Variants in PCDHA10 observed in about 807,000 individuals in gnomAD.
PCDHA10 encodes protocadherin alpha 10.
PCDHA10 carries 45 observed loss-of-function variants against 61.2 expected under a neutral mutation model. That is an observed-to-expected ratio of 0.74 (90% CI 0.58 to 0.94). The LOEUF is 0.94. Ranked by LOEUF, PCDHA10 falls within the 40% of genes least tolerant of loss-of-function variation. The pLI is 0.00. For missense variants in PCDHA10, 1,278 were observed against 1,236.2 expected (o/e 1.03, Z -0.51); for synonymous variants, 602 against 548.8 (o/e 1.10, Z -1.35).
intron 1 of PCDHA10, among the ~76,000 whole-genome samples, chr5:140,910,502 G>C (rs182167004): frequency 2.6e-4 from 39 of 152,266 alleles, no homozygotes. Flanking sequence ...CAATCACAAA[G>C]CTCTTCAAGG....
intron 1 of PCDHA10, among the ~76,000 whole-genome samples, chr5:140,886,245 A>G (rs1241977297): frequency 6.6e-6 from 1 of 152,046 alleles, no homozygotes; most frequent in Non-Finnish European, 1.5e-5. Context: ...GAAATAAATA[A>G]AAGTATCTCT....
intron 1 of PCDHA10, among the ~76,000 whole-genome samples, chr5:140,944,191 G>A (rs181232402): frequency 6.6e-6 from 1 of 151,980 alleles, no homozygotes. Flanking sequence ...GGTTTGTTTT[G>A]TTTTGTTTTG....
intron 3 of PCDHA10, among the ~76,000 whole-genome samples, chr5:140,983,853 A>T (rs1447321377): frequency 6.6e-6 from 1 of 152,230 alleles, no homozygotes; most frequent in African/African-American, 2.4e-5. Context: ...ATTAAGTAAC[A>T]TGCAGCTAAG....
At chr5:140,870,417 C>T (rs2051990915) in intron 1 of PCDHA10, 1 of 1,614,092 alleles carries the variant, frequency 6.2e-7, no homozygotes, top group Admixed American at 1.7e-5. Flanking sequence ...GGGCCACGGC[C>T]AGGGTATCCG....
At position 141,010,124 on chromosome 5, in the gene PCDHA10, G is replaced by C. The variant is rs1161168842; in HGVS notation, c.*187G>C. 1.2e-6 allele frequency: 2 copies of C among 1,605,172 alleles called. No homozygotes were observed. The highest frequency in any genetic ancestry group is 1.1e-5 in the South Asian group (1 of 90,170). On this transcript the variant is annotated 3_prime_UTR_variant, in exon 4 of 4. Coordinates refer to ENST00000307360, the MANE Select transcript of PCDHA10 (RefSeq NM_018901.4). ...GGTTTTGTCGTAAAAGCTTTACTAA[G>C]TCTGGTGTTAACTCTTTCTCTCCAC...
chr5:140,911,445 A>C (rs1327839733), intron 1 of PCDHA10, among the ~76,000 whole-genome samples: 1 of 152,184 alleles, frequency 6.6e-6, no homozygotes, highest in Non-Finnish European at 1.5e-5. Context: ...CCGCAATTTC[A>C]GCTCTTTCTC....
chr5:140,966,932 G>T, intron 1 of PCDHA10: 2 of 1,603,726 alleles, frequency 1.2e-6, no homozygotes, highest in Non-Finnish European at 1.7e-6. Context: ...GGCACCCGGC[G>T]CGCTCGTGGG....
chr5:140,935,736 A>G (rs2090532745), intron 1 of PCDHA10, among the ~76,000 whole-genome samples: 1 of 152,190 alleles, frequency 6.6e-6, no homozygotes, highest in Admixed American at 6.5e-5. Flanking sequence ...TCTAGTATCT[A>G]TTATTCCATA....
chr5:140,882,891 A>C, intron 1 of PCDHA10: 1 of 1,614,230 alleles, frequency 6.2e-7, no homozygotes, highest in East Asian at 2.2e-5. Flanking sequence ...ATTCAGGAAC[A>C]TAGTTTATTA....
At chr5:140,879,235 A>T (rs904336289) in intron 1 of PCDHA10, among the ~76,000 whole-genome samples, 1 of 152,240 alleles carries the variant, frequency 6.6e-6, no homozygotes, top group Non-Finnish European at 1.5e-5. Context: ...CATATACAAG[A>T]GGCACTGGCA....
chr5:140,997,606 A>G (rs1554255929), intron 3 of PCDHA10, among the ~76,000 whole-genome samples: 1 of 152,090 alleles, frequency 6.6e-6, no homozygotes, highest in Non-Finnish European at 1.5e-5. Context: ...TATGGGGCGC[A>G]TGACTATATA....
At chr5:140,882,228 T>C in intron 1 of PCDHA10, 8 of 1,564,682 alleles carry the variant, frequency 5.1e-6, no homozygotes, top group Non-Finnish European at 6.9e-6. Flanking sequence ...GGTAAGGCGT[T>C]GTATATATTG....
At position 140,876,514 on chromosome 5, in the gene PCDHA10, C is replaced by T. The variant is rs782076196; in HGVS notation, c.2388+18078C>T. ...AGTTCTGGACGTGAATGACAATGTC[C>T]CTGAAGTAATGGTTACTTCACTGTC... On this transcript the variant is annotated intron_variant, in intron 1 of 3. Coordinates refer to ENST00000307360, the MANE Select transcript of PCDHA10 (RefSeq NM_018901.4). 2.5e-6 allele frequency: 4 copies of T among 1,614,026 alleles called. No homozygotes were observed. In the Admixed American group the frequency reaches 6.7e-5, roughly 27 times the overall value.
At chr5:140,959,499 C>T (rs2095491321) in intron 1 of PCDHA10, among the ~76,000 whole-genome samples, 1 of 151,982 alleles carries the variant, frequency 6.6e-6, no homozygotes. Flanking sequence ...ATGGATCAAA[C>T]TAAAAAATTT....
intron 3 of PCDHA10, among the ~76,000 whole-genome samples, chr5:140,999,619 G>A (rs2097865766): frequency 6.6e-6 from 1 of 152,146 alleles, no homozygotes; most frequent in Non-Finnish European, 1.5e-5. Flanking sequence ...TTATCAACCA[G>A]GAAACAAGGT....
Position 140,870,545 on chromosome 5 carries a change from C to T in PCDHA10, c.2388+12109C>T, listed in dbSNP as rs1029944968. The T allele has an allele frequency of 1.2e-6, 2 of 1,614,108 alleles. No individual in the cohort carries two copies. Among genetic ancestry groups the T allele is most frequent in the Admixed American group, 1.7e-5 (1 of 60,034 alleles). On this transcript the variant is annotated intron_variant, in intron 1 of 3. Coordinates refer to ENST00000307360, the MANE Select transcript of PCDHA10 (RefSeq NM_018901.4). The stretch of plus-strand genomic sequence containing the variant: ...ATCTTCACAGTGTCGGCGCGGGACG[C>T]GGACGCGCAGGAGAACGCGCTGGTG...
At chr5:140,870,416 C>T in intron 1 of PCDHA10, 1 of 1,614,230 alleles carries the variant, frequency 6.2e-7, no homozygotes, top group Non-Finnish European at 8.5e-7. Flanking sequence ...TGGGCCACGG[C>T]CAGGGTATCC....
chr5:140,898,764 T>A (rs2066960471), intron 1 of PCDHA10, among the ~76,000 whole-genome samples: 1 of 152,192 alleles, frequency 6.6e-6, no homozygotes, highest in Non-Finnish European at 1.5e-5. Context: ...GCATTGAATC[T>A]GTAAATTACC....
chr5:140,928,014 G>A (rs1554205371), intron 1 of PCDHA10: 1 of 1,614,150 alleles, frequency 6.2e-7, no homozygotes, highest in Non-Finnish European at 8.5e-7. Flanking sequence ...CTAATGGTAG[G>A]GTCATTTGTG....
Sources: allele counts gnomAD v4.1 joint callset (sites outside exome capture counted in the v4.1 genomes callset), GRCh38; gene constraint gnomAD v4.1.1; transcripts MANE v1.5; gene names NCBI Gene and HGNC (gene_info 2026-07-23, HGNC 2026-07-21).